EDNRA: variants seen among roughly 807,000 people sequenced by gnomAD.
EDNRA encodes the protein endothelin receptor type A, also known as endothelin-1 receptor.
In EDNRA, 11 loss-of-function variants were observed where a neutral mutation model predicts 41.4. The ratio of observed to expected loss-of-function variants is 0.27; its 90% CI spans 0.17 to 0.44. The LOEUF (loss-of-function observed/expected upper bound fraction) is 0.44. EDNRA is among the 20% of genes least tolerant of loss of function. EDNRA has a pLI of 1.00. For missense variants in EDNRA, 294 were observed against 531.0 expected (o/e 0.55, Z 4.39); for synonymous variants, 172 against 183.0 (o/e 0.94, Z 0.49).
At position 147,482,623 on chromosome 4, in the gene EDNRA, T is replaced by A. The variant is rs10305854; in HGVS notation, c.-71+1247T>A. 2.4e-3 allele frequency among the ~76,000 whole-genome samples: 366 copies of A among 152,342 alleles called. 1 individual carries two copies. The highest frequency in any genetic ancestry group is 4.3e-3 in the Non-Finnish European group (291 of 68,030). The stretch of plus-strand genomic sequence containing the variant: ...ATGACATCCACAGGCCTTTGCCAAG[T>A]ATCCCTTAGTTTTGCAGCTTAACAT... On this transcript the variant is annotated intron_variant, in intron 1 of 7. Transcript: ENST00000651419.
intron 3 of EDNRA, chr4:147,520,476 A>G (rs758626893): frequency 1.9e-6 from 1 of 518,632 alleles, no homozygotes; most frequent in African/African-American, 1.9e-5. Context: ...GCATCCCTTT[A>G]TCCAATTCTG....
intron 1 of EDNRA, among the ~76,000 whole-genome samples, chr4:147,483,913 G>T (rs1728858756): frequency 1.3e-5 from 2 of 151,848 alleles, no homozygotes; most frequent in Non-Finnish European, 2.9e-5. Context: ...TAAAGACAGG[G>T]TCTCACTAAG....
rs186423977 is a variant in EDNRA at position 147,542,837 on chromosome 4, C to T, written c.*219C>T. ...TAATTGATCTAATTTACATATTCTG[C>T]GTGTTGTATTCAGCACTAAAAAATG... is the stretch of plus-strand genomic sequence containing the variant. On this transcript the variant is annotated 3_prime_UTR_variant, in exon 8 of 8. Coordinates refer to ENST00000651419, the MANE Select transcript of EDNRA (RefSeq NM_001957.4). 20 of 501,930 alleles carry T rather than the reference C, an allele frequency of 4.0e-5. No individual in the cohort carries two copies. The East Asian group carries it at 4.5e-4, about 11-fold the overall frequency. The allele number at this position is 501,930 out of a possible 1,614,324, so 31.1% of individuals were successfully genotyped here.
chr4:147,481,603 A>T (rs4835083), intron 1 of EDNRA, among the ~76,000 whole-genome samples: 1 of 152,114 alleles, frequency 6.6e-6, no homozygotes, highest in African/African-American at 2.4e-5. Flanking sequence ...ACACGTGTAG[A>T]GTTCGGGGAA....
At position 147,531,451 on chromosome 4, in the gene EDNRA, G is replaced by T. The variant is rs139663830; in HGVS notation, c.549-1055G>T. ...TATCTGTGGTGGTTATTCACTCAAG[G>T]ATATCTAGACCCACTTCATAGATAA... On this transcript the variant is annotated intron_variant, in intron 3 of 7. Coordinates refer to ENST00000651419, the MANE Select transcript of EDNRA (RefSeq NM_001957.4). 3.4e-3 allele frequency among the ~76,000 whole-genome samples: 511 copies of T among 152,272 alleles called. 2 individuals are homozygous for T. Among genetic ancestry groups the T allele is most frequent in the African/African-American group, 0.012 (487 of 41,544 alleles).
intron 2 of EDNRA, among the ~76,000 whole-genome samples, chr4:147,499,567 A>AAT (rs1729436706): frequency 6.6e-6 from 1 of 152,212 alleles, no homozygotes; most frequent in Non-Finnish European, 1.5e-5. Flanking sequence ...ACCACAATTC[A>AAT]CATGTTTTCT....
intron 3 of EDNRA, among the ~76,000 whole-genome samples, chr4:147,527,757 T>A (rs1008392413): frequency 1.3e-5 from 2 of 152,214 alleles, no homozygotes; most frequent in Non-Finnish European, 2.9e-5. Flanking sequence ...ATATATTTTA[T>A]ACTTTTATTT....
chr4:147,490,271 G>C, intron 2 of EDNRA: 1 of 152,120 alleles, frequency 6.6e-6, no homozygotes, highest in Non-Finnish European at 1.5e-5. Context: ...AATGCCAGTT[G>C]CCTTCTTGGT....
In EDNRA at chr4:147,510,317, T is replaced by C. The variant is rs1214495768; in HGVS notation, c.421-9534T>C. Among the ~76,000 whole-genome samples the C allele has an allele frequency of 2.6e-5, 4 of 152,174 alleles. No homozygotes were observed. The South Asian group carries it at 8.3e-4, about 32-fold the overall frequency. On this transcript the variant is annotated intron_variant, in intron 2 of 7. Transcript: ENST00000651419. ...CTGATTGTATTAGACCTCAAATTTG[T>C]ATATTTTTTGTTCTACTAAAAATAA...
At chr4:147,506,568 G>C in intron 2 of EDNRA, 1 of 278,714 alleles carries the variant, frequency 3.6e-6, no homozygotes, top group Admixed American at 4.1e-5. Context: ...TAAACAACAC[G>C]TTTCAGACAT....
At chr4:147,483,895 A>G (rs1418130288) in intron 1 of EDNRA, among the ~76,000 whole-genome samples, 1 of 151,586 alleles carries the variant, frequency 6.6e-6, no homozygotes, top group Non-Finnish European at 1.5e-5. Flanking sequence ...AATCTTTTTT[A>G]TGTTTTGTAA....
At chr4:147,526,582 C>A (rs1730557025) in intron 3 of EDNRA, among the ~76,000 whole-genome samples, 1 of 152,170 alleles carries the variant, frequency 6.6e-6, no homozygotes. Context: ...TAGTCACAGG[C>A]CAGCTCAATT....
intron 2 of EDNRA, among the ~76,000 whole-genome samples, chr4:147,511,778 G>A (rs1308846053): frequency 6.6e-6 from 1 of 152,174 alleles, no homozygotes; most frequent in East Asian, 1.9e-4. Context: ...TGACCATAGA[G>A]ACTGATGATT....
intron 2 of EDNRA, chr4:147,495,014 T>C (rs72959562): frequency 3.3e-5 from 5 of 152,298 alleles, no homozygotes; most frequent in South Asian, 4.1e-4. Context: ...TCTTAAAATA[T>C]GTTATATATA....
chr4:147,539,767 G>A lies in EDNRA; in HGVS notation c.901-50G>A, dbSNP rs112710542. 28 of 1,585,052 alleles carry A rather than the reference G, an allele frequency of 1.8e-5. 1 individual carries two copies. In the African/African-American group the frequency reaches 2.7e-4, roughly 15 times the overall value. On this transcript the variant is annotated intron_variant, in intron 5 of 7. Coordinates refer to ENST00000651419, the MANE Select transcript of EDNRA (RefSeq NM_001957.4). ...CTTGGTACTGTAGTTCTTGCATCTAGTATAAAAACACTAAATTTGTTGTCC... is the reference window on the plus strand; with the variant it reads ...CTTGGTACTGTAGTTCTTGCATCTAATATAAAAACACTAAATTTGTTGTCC...
intron 2 of EDNRA, among the ~76,000 whole-genome samples, chr4:147,498,813 C>A (rs1729405315): frequency 6.6e-6 from 1 of 152,058 alleles, no homozygotes; most frequent in African/African-American, 2.4e-5. Context: ...CACTGTTTCC[C>A]AGGCTTATCT....
intron 2 of EDNRA, among the ~76,000 whole-genome samples, chr4:147,501,541 C>A (rs1729517513): frequency 6.6e-6 from 1 of 152,178 alleles, no homozygotes; most frequent in South Asian, 2.1e-4. Flanking sequence ...AGCGAATCAC[C>A]TTTAAAAGAT....
At position 147,535,881 on chromosome 4, in the gene EDNRA, A is replaced by C; in HGVS notation, c.752A>C (p.Tyr251Ser). The change falls in exon 5 of 8, where the codon TAC (tyrosine) becomes TCC (serine). Residue 251 changes from tyrosine (Y) to serine (S), a missense_variant. This residue lies in a region of EDNRA where 185 missense variants were observed against 390.8 expected (regional missense o/e 0.47). Coordinates refer to ENST00000651419, the MANE Select transcript of EDNRA (RefSeq NM_001957.4). ...TTTTTTTTTTTCACTTTGAAGTTCT[A>C]CCAAGATGTAAAGGACTGGTGGCTC... Reference protein sequence around the residue: ...LNATSKFMEFYQDVKDWWLFG... With the variant: ...LNATSKFMEFSQDVKDWWLFG... 1 of 1,608,552 alleles carries C rather than the reference A, an allele frequency of 6.2e-7. No homozygotes were observed. The highest frequency in any genetic ancestry group is 1.7e-5 in the Admixed American group (1 of 59,118).
chr4:147,522,499 C>T (rs543292084), intron 3 of EDNRA, among the ~76,000 whole-genome samples: 1 of 151,666 alleles, frequency 6.6e-6, no homozygotes, highest in African/African-American at 2.4e-5. Flanking sequence ...GATTAGACAA[C>T]AGCAGCTGCA....
Sources: allele counts gnomAD v4.1 joint callset (sites outside exome capture counted in the v4.1 genomes callset), GRCh38; gene constraint gnomAD v4.1.1; regional missense constraint gnomAD v4.1.1; transcripts MANE v1.5; gene names NCBI Gene and HGNC (gene_info 2026-07-23, HGNC 2026-07-21).